Variants in EYS observed in about 807,000 individuals in gnomAD.
EYS encodes the protein EGF-like photoreceptor maintenance factor.
EYS carries 250 observed loss-of-function variants against 282.1 expected under a neutral mutation model. The observed-to-expected ratio is 0.89, with a 90% CI of 0.80 to 0.98. The LOEUF is 0.98. EYS is among the 50% of genes least tolerant of loss of function. The pLI is 0.00. For missense variants in EYS, 4,016 were observed against 3,709.0 expected, an observed-to-expected ratio of 1.08 and a Z score of -2.15; for synonymous variants, 1,355 against 1,282.9, an observed-to-expected ratio of 1.06 and a Z score of -1.20.
chr6:64,603,518 G>A (rs929886303), intron 24 of EYS, among the ~76,000 whole-genome samples: 1 of 152,002 alleles, frequency 6.6e-6, no homozygotes, highest in Non-Finnish European at 1.5e-5. Flanking sequence ...TTTTAGAGGA[G>A]TCTGGTGAAG....
intron 22 of EYS, among the ~76,000 whole-genome samples, chr6:64,743,950 TATC>T (rs1772463680): frequency 6.6e-6 from 1 of 152,136 alleles, no homozygotes; most frequent in African/African-American, 2.4e-5. Flanking sequence ...AATACTATCA[TATC>T]ATTTTCTATT....
At chr6:65,160,665 G>A (rs550820831) in intron 12 of EYS, among the ~76,000 whole-genome samples, 10 of 150,472 alleles carry the variant, frequency 6.6e-5, no homozygotes, top group South Asian at 2.1e-4. Context: ...TCAGCCTTTC[G>A]TTCATCCCAC....
At chr6:65,349,027 T>C (rs1434415722) in intron 9 of EYS, among the ~76,000 whole-genome samples, 1 of 151,682 alleles carries the variant, frequency 6.6e-6, no homozygotes, top group Non-Finnish European at 1.5e-5. Context: ...ATCCAGAGAA[T>C]GTTTAAAGGT....
chr6:65,376,501 G>C (rs1562133732), intron 8 of EYS, among the ~76,000 whole-genome samples: 1 of 152,130 alleles, frequency 6.6e-6, no homozygotes, highest in Admixed American at 6.6e-5. Flanking sequence ...GCATCATAAT[G>C]ACAGGATCAA....
chr6:63,857,606 G>C (rs1218781362), intron 36 of EYS: 1 of 385,760 alleles, frequency 2.6e-6, no homozygotes, highest in African/African-American at 2.1e-5. Flanking sequence ...CCGTGTGATG[G>C]GGTCCACGTG....
At chr6:64,019,028 G>A (rs1468617579) in intron 33 of EYS, among the ~76,000 whole-genome samples, 2 of 152,030 alleles carry the variant, frequency 1.3e-5, no homozygotes, top group African/African-American at 4.8e-5. Flanking sequence ...ACCCACCTTG[G>A]CCTCCCAAAG....
chr6:64,582,868 A>G (rs1382526460), intron 26 of EYS, among the ~76,000 whole-genome samples: 1 of 152,158 alleles, frequency 6.6e-6, no homozygotes, highest in Non-Finnish European at 1.5e-5. Context: ...GGAAGGTGCT[A>G]GCAGATGTAC....
intron 2 of EYS, among the ~76,000 whole-genome samples, chr6:65,605,696 T>C (rs1385479050): frequency 6.6e-6 from 1 of 151,822 alleles, no homozygotes; most frequent in Admixed American, 6.6e-5. Flanking sequence ...ATTAAAATTT[T>C]TTATTGTATT....
intron 12 of EYS, among the ~76,000 whole-genome samples, chr6:65,070,850 C>A (rs1773883324): frequency 6.6e-6 from 1 of 151,856 alleles, no homozygotes; most frequent in Admixed American, 6.6e-5. Context: ...ATTTAATACT[C>A]TATGCCCGGC....
chr6:64,910,202 A>G (rs1767950173), intron 16 of EYS, among the ~76,000 whole-genome samples: 1 of 152,144 alleles, frequency 6.6e-6, no homozygotes, highest in South Asian at 2.1e-4. Flanking sequence ...AAATGTTGAT[A>G]CTTGTGAGAA....
chr6:63,794,938 G>A (rs1402401167), intron 37 of EYS, among the ~76,000 whole-genome samples: 1 of 152,190 alleles, frequency 6.6e-6, no homozygotes, highest in East Asian at 1.9e-4. Flanking sequence ...GTGCTAAGAA[G>A]AAAGGACTTA....
At chr6:65,431,047 C>T (rs565649447) in intron 5 of EYS, among the ~76,000 whole-genome samples, 71 of 152,312 alleles carry the variant, frequency 4.7e-4, no homozygotes, top group Non-Finnish European at 7.8e-4. Context: ...GATACGAGTA[C>T]TGCCACAGTC....
At position 65,494,693 on chromosome 6, in the gene EYS, A is replaced by T. The variant is rs1269149748; in HGVS notation, c.718T>A (p.Tyr240Asn). The T allele has an allele frequency of 6.3e-7, 1 of 1,585,256 alleles. No individual in the cohort carries two copies. Among genetic ancestry groups the T allele is most frequent in the East Asian group, 2.3e-5 (1 of 43,100 alleles). Residue 240 changes from tyrosine to asparagine, a missense_variant, in exon 4 of 43, where the codon TAT becomes AAT. Transcript: ENST00000503581. ...AATGGTGGGTGACAGACACATTCAT[A>T]TGCTTGCTCATCCCAATTTTCTCTT... ...NKRENWDEQA[Y>N]ECVCHPPFTG...
chr6:64,203,683 A>G (rs77063562), intron 31 of EYS, among the ~76,000 whole-genome samples: 4,122 of 152,274 alleles, frequency 0.027, 58 homozygotes, highest in African/African-American at 0.042. Context: ...AAATAAAAAG[A>G]TTGTATGTTA....
At chr6:65,440,715 T>A (rs36062586) in intron 5 of EYS, among the ~76,000 whole-genome samples, 15,733 of 151,190 alleles carry the variant, frequency 0.1, 1,103 homozygotes, top group South Asian at 0.19. Context: ...GTGTTTGGGA[T>A]GTAGCATATA....
chr6:64,498,031 A>G (rs952211247), intron 26 of EYS, among the ~76,000 whole-genome samples: 3 of 152,170 alleles, frequency 2.0e-5, no homozygotes, highest in Admixed American at 1.3e-4. Flanking sequence ...AGTTAATGAT[A>G]AAGTATATTA....
At chr6:65,453,838 G>A (rs1268755148) in intron 5 of EYS, among the ~76,000 whole-genome samples, 2 of 151,968 alleles carry the variant, frequency 1.3e-5, no homozygotes, top group Non-Finnish European at 2.9e-5. Flanking sequence ...GTTCATTCAT[G>A]TTACCACAAA....
chr6:63,910,736 ATAAATCTAT>A (rs1773892077), intron 35 of EYS, among the ~76,000 whole-genome samples: 2 of 152,366 alleles, frequency 1.3e-5, no homozygotes, highest in South Asian at 4.1e-4. Flanking sequence ...CCAGGGCATA[ATAAATCTAT>A]TTCAAGTGTA....
chr6:65,688,224 C>T (rs1470367428), intron 1 of EYS, among the ~76,000 whole-genome samples: 1 of 152,020 alleles, frequency 6.6e-6, no homozygotes. Context: ...GGTACTGGTA[C>T]CAAAACAGAG....
Sources: allele counts gnomAD v4.1 joint callset (sites outside exome capture counted in the v4.1 genomes callset), GRCh38; gene constraint gnomAD v4.1.1; transcripts MANE v1.5; gene names NCBI Gene and HGNC (gene_info 2026-07-23, HGNC 2026-07-21).